RAB5IF: variants seen among roughly 807,000 people sequenced by gnomAD.
RAB5IF encodes RAB5 interacting factor.
A neutral mutation model predicts 20.3 loss-of-function variants in RAB5IF; 15 were observed. The observed-to-expected ratio is 0.74, with a 90% CI of 0.50 to 1.14. The LOEUF (loss-of-function observed/expected upper bound fraction) is 1.14, where lower values mean the gene tolerates loss of function less well. Among genes scored for constraint, RAB5IF ranks in the 50% most tolerant of loss-of-function variants. RAB5IF has a pLI of 0.00. For synonymous variants in RAB5IF, 67 were observed against 63.7 expected, an observed-to-expected ratio of 1.05 and a Z score of -0.25; for missense variants, 148 against 159.5, an observed-to-expected ratio of 0.93 and a Z score of 0.39.
intron 2 of RAB5IF, 138 bp downstream of exon 2, chr20:36,607,956 G>T: frequency 6.6e-7 from 1 of 1,513,228 alleles, no homozygotes; most frequent in Non-Finnish European, 8.9e-7. Context: ...CAGCCCTACA[G>T]TGGCACTCCT....
intron 2 of RAB5IF, chr20:36,608,039 C>T: frequency 7.8e-7 from 1 of 1,275,564 alleles, no homozygotes; most frequent in Non-Finnish European, 1.1e-6. Context: ...GAAGGCTGGG[C>T]CAGTCCATTC....
chr20:36,609,155 T>TTACATACATACATA (rs1391305214), intron 2 of RAB5IF, among the ~76,000 whole-genome samples: 672 of 25,242 alleles, frequency 0.027, 234 homozygotes, highest in Non-Finnish European at 0.038. Context: ...GAGAACTATA[T>TTACATACATACATA]TACACACACA....
intron 1 of RAB5IF, 65 bp from the exon 2 acceptor site, chr20:36,607,650 C>G (rs1185743574): frequency 6.3e-7 from 1 of 1,583,058 alleles, no homozygotes; most frequent in African/African-American, 1.4e-5. Flanking sequence ...GTTTAATATT[C>G]TCCCCTTTTG....
chr20:36,612,177 A>T lies in RAB5IF; in HGVS notation c.*126A>T, dbSNP rs2039141637. ...GAAGACCCGTGTTTCCTGGACCGCG[A>T]ATCAGTGTGTTGGGCATCAGTGTTT... On this transcript the variant is annotated 3_prime_UTR_variant, in exon 4 of 4. Transcript: ENST00000344795. The T allele has an allele frequency of 3.7e-6, 6 of 1,614,220 alleles. No individual in the cohort carries two copies. The highest frequency in any genetic ancestry group is 5.1e-6 in the Non-Finnish European group (6 of 1,180,034).
In RAB5IF at chr20:36,612,508, A is replaced by ATTGTAGAATGTTTT; in HGVS notation, c.*458_*471dup. On this transcript the variant is annotated 3_prime_UTR_variant, in exon 4 of 4. Transcript: ENST00000344795. ...CATGCAGCATCTAATAAGAGTTTCCATTGTAGAATGTTTTCACATACTTGA... is the reference window on the plus strand; with the variant it reads ...CATGCAGCATCTAATAAGAGTTTCCATTGTAGAATGTTTTTTGTAGAATGTTTTCACATACTTGA... 1 of 449,970 alleles carries ATTGTAGAATGTTTT rather than the reference A, an allele frequency of 2.2e-6. No homozygotes were observed. The highest frequency in any genetic ancestry group is 4.1e-6 in the Non-Finnish European group (1 of 244,922). The allele number at this position is 449,970 out of a possible 1,614,324, so 27.9% of individuals were successfully genotyped here. A position where few individuals can be genotyped will look rare whatever the true frequency, so the allele number is the denominator to read the frequency against.
intron 3 of RAB5IF, among the ~76,000 whole-genome samples, chr20:36,610,830 A>C (rs1026100867): frequency 6.6e-6 from 1 of 152,250 alleles, no homozygotes; most frequent in Non-Finnish European, 1.5e-5. Flanking sequence ...AAATCTCCAC[A>C]GTGAGCAAAG....
intron 2 of RAB5IF, 36 bp from the exon 3 acceptor site, chr20:36,609,564 TC>T: frequency 6.5e-7 from 1 of 1,542,678 alleles, no homozygotes; most frequent in Non-Finnish European, 8.7e-7. Context: ...TTCTAAGCTT[TC>T]AATTTATGTT....
intron 2 of RAB5IF, 28 bp from the exon 3 acceptor site, chr20:36,609,573 G>C: frequency 6.4e-7 from 1 of 1,552,558 alleles, no homozygotes; most frequent in Non-Finnish European, 8.7e-7. Flanking sequence ...TTCAATTTAT[G>C]TTTGGTACTT....
rs773176454 is a variant in RAB5IF at position 36,607,902 on chromosome 20, CT to C, written c.218+85del. ...TTTCCTGTTACAGGAAAGGCCATTGCTGCTCTGGAGCTGTGTGTGTGTGTGA... is the reference window on the plus strand; with the variant it reads ...TTTCCTGTTACAGGAAAGGCCATTGCGCTCTGGAGCTGTGTGTGTGTGTGA... On this transcript the variant is annotated intron_variant, in intron 2 of 3. Transcript: ENST00000344795. The C allele has an allele frequency of 5.1e-6, 8 of 1,579,786 alleles. No homozygotes were observed. In the East Asian group the frequency reaches 1.4e-4, roughly 27 times the overall value.
chr20:36,607,878 T>C (rs1484029439), intron 2 of RAB5IF, 60 bp downstream of exon 2: 15 of 1,603,084 alleles, frequency 9.4e-6, no homozygotes, highest in Non-Finnish European at 1.2e-5. Context: ...GAGGCTTTTT[T>C]TCCTGTTACA....
rs1311058902 is a variant in RAB5IF at position 36,609,156 on chromosome 20, T to G, written c.219-445T>G. On this transcript the variant is annotated intron_variant, in intron 2 of 3. Coordinates refer to ENST00000344795, the MANE Select transcript of RAB5IF (RefSeq NM_018840.5). Reference sequence around the variant, plus strand: ...TTCAAGGGGCTTTGGAGAACTATATTACACACACACACACACACACACACA... The same window carrying G: ...TTCAAGGGGCTTTGGAGAACTATATGACACACACACACACACACACACACA... Among the ~76,000 whole-genome samples, 5 of 17,052 alleles carry G rather than the reference T, an allele frequency of 2.9e-4. No homozygotes were observed. The East Asian group carries it at 7.7e-3, about 26-fold the overall frequency. 11.2% of individuals were successfully genotyped at this position (17,052 alleles called of 152,430 possible). A position where few individuals can be genotyped will look rare whatever the true frequency, so the allele number is the denominator to read the frequency against.
rs1425380218 is a variant in RAB5IF at position 36,605,876 on chromosome 20, C to T, written c.-76C>T. 6 of 825,360 alleles carry T rather than the reference C, an allele frequency of 7.3e-6. No individual in the cohort carries two copies. In the East Asian group the frequency reaches 1.0e-4, roughly 14 times the overall value. 51.1% of individuals were successfully genotyped at this position (825,360 alleles called of 1,614,324 possible). Reference sequence around the variant, plus strand: ...AGCCTGCAGCCGCCCCGCGCCGTGACCTGCGACCCTAGACCCCGACTCCCT... The same window carrying T: ...AGCCTGCAGCCGCCCCGCGCCGTGATCTGCGACCCTAGACCCCGACTCCCT... On this transcript the variant is annotated 5_prime_UTR_variant, in exon 1 of 4. Coordinates refer to ENST00000344795, the MANE Select transcript of RAB5IF (RefSeq NM_018840.5).
chr20:36,609,849 T>C, intron 3 of RAB5IF, 119 bp downstream of exon 3: 1 of 1,588,234 alleles, frequency 6.3e-7, no homozygotes. Context: ...TTCTAAAGGC[T>C]TCTGAGGCTC....
intron 2 of RAB5IF, 27 bp downstream of exon 2, chr20:36,607,845 A>C: frequency 6.2e-7 from 1 of 1,612,076 alleles, no homozygotes; most frequent in Non-Finnish European, 8.5e-7. Flanking sequence ...TTATATTTTC[A>C]TGGTATCATT....
chr20:36,609,902 C>A, intron 3 of RAB5IF, 172 bp downstream of exon 3: 1 of 1,081,532 alleles, frequency 9.2e-7, no homozygotes, highest in Non-Finnish European at 1.4e-6. Context: ...AAGATGTGGT[C>A]TGATATACTG....
chr20:36,607,816 A>C lies in RAB5IF; in HGVS notation c.216A>C (p.Ala72=). 1 of 1,613,688 alleles carries C rather than the reference A, an allele frequency of 6.2e-7. No homozygotes were observed. Among genetic ancestry groups the C allele is most frequent in the Non-Finnish European group, 8.5e-7 (1 of 1,179,728 alleles). ...VLPLRGFLGI[A]GFCLINAGVL... is the part of the protein sequence containing the mutation. The stretch of plus-strand genomic sequence containing the variant: ...CATTACGAGGGTTCTTGGGAATAGC[A>C]GGGTAAGTCTTGGGTATCTTATATT... Residue 72 remains alanine (A), a splice_region_variant and synonymous_variant, in exon 2 of 4, where the codon GCA becomes GCC. Transcript: ENST00000344795.
In RAB5IF at chr20:36,605,871, C is replaced by T; in HGVS notation, c.-81C>T. 7.9e-6 allele frequency: 6 copies of T among 759,396 alleles called. No homozygotes were observed. Among genetic ancestry groups the T allele is most frequent in the Non-Finnish European group, 1.1e-5 (6 of 527,812 alleles). 47.0% of individuals were successfully genotyped at this position (759,396 alleles called of 1,614,324 possible). On this transcript the variant is annotated 5_prime_UTR_variant, in exon 1 of 4. Coordinates refer to ENST00000344795, the MANE Select transcript of RAB5IF (RefSeq NM_018840.5). ...CGCTGAGCCTGCAGCCGCCCCGCGCCGTGACCTGCGACCCTAGACCCCGAC... is the reference window on the plus strand; with the variant it reads ...CGCTGAGCCTGCAGCCGCCCCGCGCTGTGACCTGCGACCCTAGACCCCGAC...
At chr20:36,609,256 C>CTATATATATATATATA (rs60707085) in intron 2 of RAB5IF, among the ~76,000 whole-genome samples, 2 of 121,580 alleles carry the variant, frequency 1.6e-5, no homozygotes, top group African/African-American at 7.5e-5. Context: ...CACACACACA[C>CTATATATATATATATA]TATATATAGA....
In RAB5IF at chr20:36,605,820, A is replaced by G. The variant is rs1196831857; in HGVS notation, c.-132A>G. The G allele has an allele frequency of 1.8e-5, 8 of 452,600 alleles. No individual in the cohort carries two copies. The highest frequency in any genetic ancestry group is 2.6e-5 in the Non-Finnish European group (7 of 266,554). The allele number at this position is 452,600 out of a possible 1,614,324, so 28.0% of individuals were successfully genotyped here. A position where few individuals can be genotyped will look rare whatever the true frequency, so the allele number is the denominator to read the frequency against. ...CGGGTAGCTTGGCCAGGTTGTGAGG[A>G]ACCGCAGCGCGCCGCAGGACCGGGC... On this transcript the variant is annotated 5_prime_UTR_variant, in exon 1 of 4. Coordinates refer to ENST00000344795, the MANE Select transcript of RAB5IF (RefSeq NM_018840.5).
Sources: allele counts gnomAD v4.1 joint callset (sites outside exome capture counted in the v4.1 genomes callset), GRCh38; gene constraint gnomAD v4.1.1; transcripts MANE v1.5; gene names NCBI Gene and HGNC (gene_info 2026-07-23, HGNC 2026-07-21).